The following EFCAB6 variants were observed in gnomAD, a reference collection of about 807,000 sequenced individuals.
EFCAB6 encodes the protein EF-hand calcium binding domain 6.
Under a neutral mutation model 169.8 loss-of-function variants are expected in EFCAB6, and 156 were observed. The ratio of observed to expected loss-of-function variants is 0.92; its 90% CI spans 0.81 to 1.05. The LOEUF is 1.05. EFCAB6 is among the 50% of genes least tolerant of loss of function. EFCAB6 has a pLI of 0.00. For synonymous variants in EFCAB6, 698 were observed against 676.4 expected (o/e 1.03, Z -0.50); for missense variants, 1,800 against 1,829.1 (o/e 0.98, Z 0.29).
chr22:43,747,650 G>T (rs1319352402), intron 6 of EFCAB6, among the ~76,000 whole-genome samples: 1 of 152,168 alleles, frequency 6.6e-6, no homozygotes, highest in East Asian at 1.9e-4. Flanking sequence ...AATTGATCCA[G>T]TTGGTGGGAG....
At position 43,602,809 on chromosome 22, in the gene EFCAB6, C is replaced by T. The variant is rs142297985; in HGVS notation, c.2682-2546G>A. On this transcript the variant is annotated intron_variant, in intron 22 of 31. Coordinates refer to ENST00000262726, the MANE Select transcript of EFCAB6 (RefSeq NM_022785.4). Reference sequence around the variant, plus strand: ...GTGCCTTCCTTTGAGCTCCTCAAGGCGCGGTGAGGACCCGACGGGTTAGTG... The same window carrying T: ...GTGCCTTCCTTTGAGCTCCTCAAGGTGCGGTGAGGACCCGACGGGTTAGTG... Among the ~76,000 whole-genome samples, 713 of 152,106 alleles carry T rather than the reference C, an allele frequency of 4.7e-3. 4 individuals are homozygous for T. Among genetic ancestry groups the T allele is most frequent in the Middle Eastern group, 0.034 (10 of 294 alleles).
chr22:43,700,732 A>G (rs2147269272), intron 10 of EFCAB6, among the ~76,000 whole-genome samples: 1 of 152,218 alleles, frequency 6.6e-6, no homozygotes, highest in Non-Finnish European at 1.5e-5. Flanking sequence ...CAACCTTGAG[A>G]CTGGTTTCTT....
intron 19 of EFCAB6, 106 bp from the exon 20 acceptor site, chr22:43,626,785 T>C (rs567859957): frequency 9.9e-7 from 1 of 1,011,964 alleles, no homozygotes; most frequent in Non-Finnish European, 1.5e-6. Context: ...GAGGGGCAGC[T>C]TGGCTGGGCC....
At chr22:43,688,796 C>T (rs2147159382) in intron 10 of EFCAB6, among the ~76,000 whole-genome samples, 1 of 152,332 alleles carries the variant, frequency 6.6e-6, no homozygotes, top group East Asian at 1.9e-4. Flanking sequence ...CTATCCTTCC[C>T]TAACAGGATG....
Position 43,653,445 on chromosome 22 carries a change from G to C in EFCAB6, c.1983+13659C>G, listed in dbSNP as rs368032907. Among the ~76,000 whole-genome samples, 6 of 152,292 alleles carry C rather than the reference G, an allele frequency of 3.9e-5. No homozygotes were observed. The East Asian group carries it at 1.2e-3, about 29-fold the overall frequency. ...CCAGAAGAAAATGATTGCCAACCTAGAATGTTTTTCCCAGCTAAAATATTT... is the reference window on the plus strand; with the variant it reads ...CCAGAAGAAAATGATTGCCAACCTACAATGTTTTTCCCAGCTAAAATATTT... On this transcript the variant is annotated intron_variant, in intron 17 of 31. Transcript: ENST00000262726.
rs2054520711 is a variant in EFCAB6 at position 43,626,387 on chromosome 22, G to C, written c.2465+60C>G. ...CTTTGCGGACGCCATGGAAATGCTG[G>C]ACGTCACAGTGGCACGGGCCGGCAT... On this transcript the variant is annotated intron_variant, in intron 20 of 31. Transcript: ENST00000262726. 5 of 1,510,968 alleles carry C rather than the reference G, an allele frequency of 3.3e-6. No individual in the cohort carries two copies. In the African/African-American group the frequency reaches 6.9e-5, roughly 21 times the overall value. The allele number at this position is 1,510,968 out of a possible 1,614,324, so 93.6% of individuals were successfully genotyped here.
rs764744038 is a variant in EFCAB6, at chr22:43,537,361, T to C, written c.4048+16A>G. 17 of 1,613,266 alleles carry C rather than the reference T, an allele frequency of 1.1e-5. No individual in the cohort carries two copies. The highest frequency in any genetic ancestry group is 1.6e-4 in the Middle Eastern group (1 of 6,076). On this transcript the variant is annotated intron_variant, in intron 29 of 31. Transcript: ENST00000262726. This position sits in a 1 kb window ranked among gnomAD's most constrained non-coding sequence, Gnocchi z 4.3. ...GGCTGACCACATATTACCAAGCAGA[T>C]AGAATCTGAACGAACCCAGGAAATC...
chr22:43,596,911 C>T (rs2052057039), intron 23 of EFCAB6, among the ~76,000 whole-genome samples: 1 of 152,080 alleles, frequency 6.6e-6, no homozygotes, highest in Admixed American at 6.6e-5. Context: ...ACACAAAGAC[C>T]AATGGAACAG....
intron 17 of EFCAB6, among the ~76,000 whole-genome samples, chr22:43,650,566 G>C (rs921849092): frequency 6.6e-6 from 1 of 152,168 alleles, no homozygotes; most frequent in Non-Finnish European, 1.5e-5. Flanking sequence ...CAGTAGAGTG[G>C]GGCATTGCTG....
intron 6 of EFCAB6, among the ~76,000 whole-genome samples, chr22:43,746,941 G>C (rs1271384881): frequency 6.6e-6 from 1 of 152,180 alleles, no homozygotes; most frequent in African/African-American, 2.4e-5. Context: ...CACCAGCAGG[G>C]GCAAGCCTGG....
At chr22:43,685,817 C>G (rs2058172909) in intron 11 of EFCAB6, among the ~76,000 whole-genome samples, 1 of 152,164 alleles carries the variant, frequency 6.6e-6, no homozygotes, top group African/African-American at 2.4e-5. Context: ...CTGCTCATAT[C>G]TGTCACACCT....
At chr22:43,808,969 T>C (rs1265413245) in intron 2 of EFCAB6, 26 bp downstream of exon 2, 2 of 152,200 alleles carry the variant, frequency 1.3e-5, no homozygotes, top group Non-Finnish European at 2.9e-5. Flanking sequence ...AAAAACTACA[T>C]TCAGAAGGTG....
intron 18 of EFCAB6, among the ~76,000 whole-genome samples, chr22:43,633,961 A>G (rs546854414): frequency 3.9e-4 from 59 of 152,174 alleles, no homozygotes; most frequent in Middle Eastern, 3.4e-3. Context: ...TAGAATCTTC[A>G]TGTGTGAGAA....
chr22:43,642,036 G>T (rs1416970310), intron 17 of EFCAB6, among the ~76,000 whole-genome samples: 3 of 93,564 alleles, frequency 3.2e-5, no homozygotes, highest in African/African-American at 1.3e-4. Context: ...CGCCTCTTGG[G>T]TTCAAGTGAT....
intron 5 of EFCAB6, among the ~76,000 whole-genome samples, chr22:43,764,002 A>T (rs982935011): frequency 1.3e-5 from 2 of 152,136 alleles, no homozygotes; most frequent in African/African-American, 4.8e-5. Context: ...GGCTCAAGTG[A>T]TCCTCTCACC....
intron 4 of EFCAB6, among the ~76,000 whole-genome samples, chr22:43,769,141 A>G (rs1402100097): frequency 6.6e-6 from 1 of 152,264 alleles, no homozygotes. Context: ...TGGTCTATCC[A>G]TACAATGGAC....
chr22:43,747,274 C>T (rs199916825), intron 6 of EFCAB6, among the ~76,000 whole-genome samples: 2 of 152,324 alleles, frequency 1.3e-5, no homozygotes, highest in East Asian at 1.9e-4. Flanking sequence ...TAAACAAACA[C>T]ATGCACGGAA....
At position 43,579,707 on chromosome 22, in the gene EFCAB6, T is replaced by TGC; in HGVS notation, c.3228+756_3228+757insGC. On this transcript the variant is annotated intron_variant, in intron 25 of 31. Transcript: ENST00000262726. ...ACATACAAGCATCATTCCATACACA[T>TGC]AGGCATCATTCCATACATGCAGGCA... 1.5e-5 allele frequency among the ~76,000 whole-genome samples: 2 copies of TGC among 135,860 alleles called. 1 individual carries two copies. The allele number at this position is 135,860 out of a possible 152,430, so 89.1% of individuals were successfully genotyped here.
intron 17 of EFCAB6, among the ~76,000 whole-genome samples, chr22:43,666,690 T>TG (rs1569344713): frequency 4.0e-5 from 5 of 126,106 alleles, no homozygotes; most frequent in African/African-American, 1.5e-4. Context: ...ACTGCCAGAT[T>TG]GTTTTTTTTT....
Sources: gnomAD v4.1 joint callset for allele counts (sites outside exome capture counted in the v4.1 genomes callset) on GRCh38, gnomAD v4.1.1 for gene constraint, Gnocchi (gnomAD v3.1) non-coding constraint, MANE v1.5 for transcripts, NCBI Gene and HGNC (gene_info 2026-07-23, HGNC 2026-07-21) for gene names.